The following DLG2 variants were observed in gnomAD, a reference collection of about 807,000 sequenced individuals.
DLG2 encodes the protein discs large MAGUK scaffold protein 2, also known as disks large homolog 2.
In DLG2, 45 loss-of-function variants were observed where a neutral mutation model predicts 132.5. The observed-to-expected ratio is 0.34, with a 90% CI of 0.27 to 0.44. The LOEUF (loss-of-function observed/expected upper bound fraction) is 0.44. Among genes scored for constraint, DLG2 ranks in the 20% least tolerant of loss-of-function variants. The probability of loss-of-function intolerance (pLI) is 1.00; values close to 1 mark genes in which losing one functional copy is unlikely to be tolerated. For missense variants in DLG2, 1,045 were observed against 1,196.9 expected (o/e 0.87, Z 1.87); for synonymous variants, 424 against 419.6 (o/e 1.01, Z -0.13).
rs1186822886 is a variant in DLG2, at chr11:84,928,958, ATG to A, written c.357+182701_357+182702del. 4.0e-3 allele frequency among the ~76,000 whole-genome samples: 209 copies of A among 52,862 alleles called. 3 individuals carry two copies. The highest frequency in any genetic ancestry group is 0.01 in the Middle Eastern group (1 of 96). 34.7% of individuals were successfully genotyped at this position (52,862 alleles called of 152,430 possible). The stretch of plus-strand genomic sequence containing the variant: ...TGCAATACTTATAATACTCTCTGAT[ATG>A]TGTGTGTGTGTGTGTGTGTGTGTAT... On this transcript the variant is annotated intron_variant, in intron 6 of 27. Coordinates refer to ENST00000376104, the MANE Select transcript of DLG2 (RefSeq NM_001142699.3).
At chr11:84,062,280 C>T (rs1036183815) in intron 10 of DLG2, among the ~76,000 whole-genome samples, 5 of 152,094 alleles carry the variant, frequency 3.3e-5, no homozygotes, top group Admixed American at 2.6e-4. Context: ...TGTGGGACCA[C>T]GGTGAGGCCA....
chr11:84,673,275 T>C (rs1008573901), intron 6 of DLG2, among the ~76,000 whole-genome samples: 5 of 152,040 alleles, frequency 3.3e-5, no homozygotes, highest in African/African-American at 1.2e-4. Context: ...GAGAAATAAA[T>C]ATTGCTAGGC....
chr11:84,238,042 T>C (rs1224767058), intron 8 of DLG2, among the ~76,000 whole-genome samples: 3 of 73,096 alleles, frequency 4.1e-5, no homozygotes, highest in South Asian at 5.2e-4. Flanking sequence ...AGACTCTGCC[T>C]AAAAAAAAAA....
chr11:84,919,095 T>TA (rs1396036755), intron 6 of DLG2, among the ~76,000 whole-genome samples: 1 of 152,142 alleles, frequency 6.6e-6, no homozygotes, highest in African/African-American at 2.4e-5. Context: ...AGCCATATTT[T>TA]AATTGAGCCC....
chr11:83,483,581 G>A (rs571073851), intron 22 of DLG2, among the ~76,000 whole-genome samples: 4 of 152,218 alleles, frequency 2.6e-5, no homozygotes, highest in South Asian at 2.1e-4. Context: ...GGTCAATCAC[G>A]TTGCCACAGA....
intron 17 of DLG2, among the ~76,000 whole-genome samples, chr11:83,788,379 T>C (rs764530985): frequency 2.6e-5 from 4 of 152,194 alleles, no homozygotes; most frequent in Non-Finnish European, 4.4e-5. Context: ...CATGGTAACA[T>C]TGGGGAGTCC....
intron 6 of DLG2, among the ~76,000 whole-genome samples, chr11:84,974,879 C>A (rs1246145405): frequency 6.6e-6 from 1 of 152,178 alleles, no homozygotes; most frequent in Admixed American, 6.5e-5. Context: ...TAAACAAGGG[C>A]AACCTTGAAG....
chr11:85,501,665 A>C (rs146928062), intron 3 of DLG2, among the ~76,000 whole-genome samples: 3,519 of 152,326 alleles, frequency 0.023, 128 homozygotes, highest in African/African-American at 0.079. Context: ...GACATATGAA[A>C]AAATGCTCAT....
At chr11:83,598,995 C>T (rs950127676) in intron 19 of DLG2, among the ~76,000 whole-genome samples, 2 of 152,146 alleles carry the variant, frequency 1.3e-5, no homozygotes, top group Non-Finnish European at 2.9e-5. Flanking sequence ...ATTGCTTAGG[C>T]CTAGTTTAGG....
intron 6 of DLG2, among the ~76,000 whole-genome samples, chr11:84,934,525 GTTTT>G (rs757894179): frequency 2.8e-4 from 11 of 38,636 alleles, no homozygotes; most frequent in African/African-American, 1.3e-3. Context: ...GTTTTGTTTT[GTTTT>G]TTTTTTTTTT....
At chr11:84,191,945 T>C (rs2096416381) in intron 8 of DLG2, among the ~76,000 whole-genome samples, 1 of 147,036 alleles carries the variant, frequency 6.8e-6, no homozygotes, top group African/African-American at 2.5e-5. Flanking sequence ...GAGTAACATT[T>C]TGGAATTTCC....
chr11:85,402,994 A>T (rs751079030), intron 3 of DLG2, among the ~76,000 whole-genome samples: 1 of 152,192 alleles, frequency 6.6e-6, no homozygotes, highest in Non-Finnish European at 1.5e-5. Context: ...ATTACTAGGT[A>T]TATACCCAAA....
chr11:84,875,997 C>T (rs2086286865), intron 6 of DLG2, among the ~76,000 whole-genome samples: 1 of 152,164 alleles, frequency 6.6e-6, no homozygotes, highest in African/African-American at 2.4e-5. Flanking sequence ...CTTGGCCTCC[C>T]AAAGTGCTGG....
intron 3 of DLG2, among the ~76,000 whole-genome samples, chr11:85,436,695 A>G (rs1388499778): frequency 6.6e-6 from 1 of 152,244 alleles, no homozygotes; most frequent in Admixed American, 6.5e-5. Context: ...ATGCTTTTAC[A>G]CTGTTGGTAG....
At chr11:85,325,179 G>T (rs1345535413) in intron 3 of DLG2, among the ~76,000 whole-genome samples, 1 of 147,142 alleles carries the variant, frequency 6.8e-6, no homozygotes, top group Admixed American at 6.8e-5. Context: ...CTGCAAGGCG[G>T]CAACGAGGCT....
chr11:83,638,617 C>G (rs2065483100), intron 18 of DLG2, among the ~76,000 whole-genome samples: 1 of 152,124 alleles, frequency 6.6e-6, no homozygotes. Context: ...CTAGAGCCCC[C>G]TGTTACGGCC....
rs190766775 is a variant in DLG2 at position 84,367,929 on chromosome 11, C to T, written c.520-116638G>A. Among the ~76,000 whole-genome samples the T allele has an allele frequency of 3.7e-4, 56 of 152,254 alleles. 1 individual carries two copies. Among genetic ancestry groups the T allele is most frequent in the African/African-American group, 1.2e-3 (48 of 41,568 alleles). On this transcript the variant is annotated intron_variant, in intron 7 of 27. Transcript: ENST00000376104. ...ATACATTTATCACCACTCTAGAAAG[C>T]TTTGATCAGAGCCCGTAATAGATGC...
At chr11:85,571,862 G>C (rs1183236012) in intron 3 of DLG2, among the ~76,000 whole-genome samples, 2 of 152,096 alleles carry the variant, frequency 1.3e-5, no homozygotes, top group African/African-American at 4.8e-5. Flanking sequence ...TTCTGAGTTA[G>C]GTGAGATAAA....
In DLG2 at chr11:85,280,555, G is replaced by C. The variant is rs1320926954; in HGVS notation, c.186+4665C>G. ...TTACTTTCTTTCTGTCACCAAGTTA[G>C]AATTGCAGATTTCAGCCCAGCAGCT... On this transcript the variant is annotated intron_variant, in intron 4 of 27. Transcript: ENST00000376104. Among the ~76,000 whole-genome samples the C allele has an allele frequency of 2.0e-5, 3 of 152,130 alleles. No individual in the cohort carries two copies. In the South Asian group the frequency reaches 6.2e-4, roughly 32 times the overall value.
Sources: allele counts gnomAD v4.1 joint callset (sites outside exome capture counted in the v4.1 genomes callset), GRCh38; gene constraint gnomAD v4.1.1; transcripts MANE v1.5; gene names NCBI Gene and HGNC (gene_info 2026-07-23, HGNC 2026-07-21).